KCNIP4: variants seen among roughly 807,000 people sequenced by gnomAD.
The protein encoded by KCNIP4 is potassium voltage-gated channel interacting protein 4.
In KCNIP4, 12 loss-of-function variants were observed where a neutral mutation model predicts 34.0. The observed-to-expected ratio is 0.35, with a 90% confidence interval of 0.23 to 0.57. KCNIP4 has a LOEUF of 0.57. Ranked by LOEUF, KCNIP4 falls within the 20% of genes least tolerant of loss-of-function variation. The pLI, the probability that KCNIP4 is intolerant of heterozygous loss-of-function variation, is 0.83. For missense variants in KCNIP4, 238 were observed against 311.7 expected (o/e 0.76, Z 1.78); for synonymous variants, 124 against 102.2 (o/e 1.21, Z -1.29).
intron 1 of KCNIP4, among the ~76,000 whole-genome samples, chr4:21,830,041 G>T (rs372082940): frequency 1.1e-4 from 17 of 151,984 alleles, no homozygotes; most frequent in African/African-American, 3.4e-4. Context: ...TCCAATCAAA[G>T]GCATAAAGTA....
intron 1 of KCNIP4, among the ~76,000 whole-genome samples, chr4:21,808,520 G>C (rs1290517775): frequency 6.6e-6 from 1 of 152,072 alleles, no homozygotes; most frequent in Non-Finnish European, 1.5e-5. Context: ...CAGAATATGT[G>C]TTAATTAACT....
intron 1 of KCNIP4, among the ~76,000 whole-genome samples, chr4:21,946,750 C>T (rs1301228067): frequency 1.3e-5 from 2 of 152,168 alleles, no homozygotes; most frequent in Non-Finnish European, 2.9e-5. Context: ...AATTCTCAGC[C>T]AGAAAACTCA....
At chr4:21,406,550 T>C (rs1724008987) in intron 1 of KCNIP4, among the ~76,000 whole-genome samples, 1 of 152,208 alleles carries the variant, frequency 6.6e-6, no homozygotes. Flanking sequence ...CTCATCTTTA[T>C]AATATTCTTT....
chr4:21,844,520 C>T (rs1235698738), intron 1 of KCNIP4: 1 of 152,032 alleles, frequency 6.6e-6, no homozygotes, highest in Non-Finnish European at 1.5e-5. Flanking sequence ...TATGTCCACA[C>T]CAGAACTGCA....
chr4:20,874,216 C>A (rs185073011), intron 2 of KCNIP4, among the ~76,000 whole-genome samples: 2 of 152,258 alleles, frequency 1.3e-5, no homozygotes, highest in South Asian at 4.1e-4. Flanking sequence ...AGTAGCTTAA[C>A]TAAAGTTTCT....
chr4:21,880,193 G>A (rs939127704), intron 1 of KCNIP4, among the ~76,000 whole-genome samples: 28 of 152,062 alleles, frequency 1.8e-4, no homozygotes, highest in South Asian at 6.2e-4. Context: ...AGCATTCTCC[G>A]AAATAACTGC....
rs551427242 is a variant in KCNIP4 at position 21,371,265 on chromosome 4, G to A, written c.62-488556C>T. On this transcript the variant is annotated intron_variant, in intron 1 of 8. Transcript: ENST00000382152. ...AGTGAAACTTCTGCTGAGCTTTGAGGCATTTATGGGATTTGAATACATGAG... is the reference window on the plus strand; with the variant it reads ...AGTGAAACTTCTGCTGAGCTTTGAGACATTTATGGGATTTGAATACATGAG... 7.2e-4 allele frequency among the ~76,000 whole-genome samples: 106 copies of A among 146,226 alleles called. 19 individuals are homozygous for A. Among genetic ancestry groups the A allele is most frequent in the African/African-American group, 2.8e-3 (103 of 36,166 alleles).
rs527333561 is a variant in KCNIP4, at chr4:21,376,997, G to C, written c.62-494288C>G. Reference sequence around the variant, plus strand: ...TACGATCAAACGAAGCTTATTTCCAGATAGGAAGGCATTTTTTTTCCTTTT... The same window carrying C: ...TACGATCAAACGAAGCTTATTTCCACATAGGAAGGCATTTTTTTTCCTTTT... On this transcript the variant is annotated intron_variant, in intron 1 of 8. Coordinates refer to ENST00000382152, the MANE Select transcript of KCNIP4 (RefSeq NM_025221.6). Among the ~76,000 whole-genome samples the C allele has an allele frequency of 5.9e-5, 9 of 152,174 alleles. No individual in the cohort carries two copies. The South Asian group carries it at 1.9e-3, about 32-fold the overall frequency.
chr4:21,316,926 T>A (rs1338782991), intron 1 of KCNIP4, among the ~76,000 whole-genome samples: 2 of 152,218 alleles, frequency 1.3e-5, no homozygotes, highest in Non-Finnish European at 2.9e-5. Flanking sequence ...TTTACAGAAG[T>A]CAGCTTCTGT....
chr4:21,103,724 TC>T (rs1748185426), intron 1 of KCNIP4, among the ~76,000 whole-genome samples: 1 of 121,236 alleles, frequency 8.2e-6, no homozygotes, highest in African/African-American at 3.1e-5. Flanking sequence ...CCTAATGCTA[TC>T]CCTCCCCCCT....
chr4:21,718,272 T>C (rs115707199), intron 1 of KCNIP4, among the ~76,000 whole-genome samples: 4,031 of 152,312 alleles, frequency 0.026, 160 homozygotes, highest in African/African-American at 0.091. Context: ...GCTCAAATTT[T>C]CTGCAAAACA....
chr4:21,307,843 A>G (rs1273821944), intron 1 of KCNIP4, among the ~76,000 whole-genome samples: 2 of 152,146 alleles, frequency 1.3e-5, no homozygotes, highest in African/African-American at 4.8e-5. Flanking sequence ...GCTGTGCTCT[A>G]TCTTCAGCAT....
chr4:20,898,667 G>C (rs1204411441), intron 1 of KCNIP4, among the ~76,000 whole-genome samples: 1 of 152,058 alleles, frequency 6.6e-6, no homozygotes, highest in Non-Finnish European at 1.5e-5. Flanking sequence ...TAAGTATCTG[G>C]GACATAGTAG....
intron 3 of KCNIP4, among the ~76,000 whole-genome samples, chr4:20,781,275 T>G (rs1756847881): frequency 6.6e-6 from 1 of 152,246 alleles, no homozygotes; most frequent in South Asian, 2.1e-4. Flanking sequence ...TTTGCCCATT[T>G]GAAGCAAATC....
chr4:20,989,268 C>A (rs1459149757), intron 1 of KCNIP4, among the ~76,000 whole-genome samples: 1 of 151,908 alleles, frequency 6.6e-6, no homozygotes, highest in Admixed American at 6.6e-5. Context: ...TTTTTTTCAC[C>A]CCTACATCCA....
chr4:21,435,476 G>C (rs1290814004), intron 1 of KCNIP4, among the ~76,000 whole-genome samples: 1 of 152,108 alleles, frequency 6.6e-6, no homozygotes, highest in East Asian at 1.9e-4. Context: ...TATCAGGTTT[G>C]AGTCTAATTG....
At chr4:21,544,594 C>T (rs870368) in intron 1 of KCNIP4, 34,995 of 152,082 alleles carry the variant, frequency 0.23, 4,733 homozygotes, top group Middle Eastern at 0.4. Flanking sequence ...GCTGTCAAAC[C>T]GGGTGCTGCT....
At chr4:21,445,526 G>C (rs560006421) in intron 1 of KCNIP4, among the ~76,000 whole-genome samples, 1 of 152,156 alleles carries the variant, frequency 6.6e-6, no homozygotes, top group Non-Finnish European at 1.5e-5. Flanking sequence ...AATGGGGAAA[G>C]GATTCCCTAT....
intron 1 of KCNIP4, among the ~76,000 whole-genome samples, chr4:21,693,113 C>T (rs1711869896): frequency 8.8e-6 from 1 of 114,230 alleles, no homozygotes; most frequent in Non-Finnish European, 2.0e-5. Context: ...CTCTTCCAGA[C>T]AGAGTGGTGG....
Sources: allele counts gnomAD v4.1 joint callset (sites outside exome capture counted in the v4.1 genomes callset), GRCh38; gene constraint gnomAD v4.1.1; transcripts MANE v1.5; gene names NCBI Gene and HGNC (gene_info 2026-07-23, HGNC 2026-07-21).